The following BORCS5 variants were observed in gnomAD, a reference collection of about 807,000 sequenced individuals.
The protein encoded by BORCS5 is BLOC-1-related complex subunit 5.
Under a neutral mutation model 22.1 loss-of-function variants are expected in BORCS5, and 17 were observed. The observed-to-expected ratio is 0.77, with a 90% confidence interval of 0.53 to 1.15. The LOEUF is 1.15. BORCS5 is among the 50% of genes most tolerant of loss of function. The pLI is 0.00. For missense variants in BORCS5, 247 were observed against 253.2 expected (o/e 0.98, Z 0.17); for synonymous variants, 117 against 99.8 (o/e 1.17, Z -1.03).
chr12:12,429,848 T>C (rs1942377730), intron 2 of BORCS5, among the ~76,000 whole-genome samples: 1 of 152,190 alleles, frequency 6.6e-6, no homozygotes, highest in South Asian at 2.1e-4. Flanking sequence ...CCAATAGTCT[T>C]CTGAAGCACC....
intron 2 of BORCS5, among the ~76,000 whole-genome samples, chr12:12,393,546 G>T (rs1941252562): frequency 6.6e-6 from 1 of 151,590 alleles, no homozygotes; most frequent in African/African-American, 2.4e-5. Context: ...TTCAGATAGG[G>T]TCTCACTCTG....
intron 2 of BORCS5, among the ~76,000 whole-genome samples, chr12:12,376,371 CT>C (rs1464046294): frequency 6.6e-6 from 1 of 151,706 alleles, no homozygotes; most frequent in Non-Finnish European, 1.5e-5. Context: ...GTAGCTGGGA[CT>C]ACAGGCGCCC....
rs1941957452 is a variant in BORCS5, at chr12:12,416,437, T to C, written c.203-19191T>C. Among the ~76,000 whole-genome samples the C allele has an allele frequency of 3.3e-5, 5 of 152,046 alleles. No homozygotes were observed. In the South Asian group the frequency reaches 8.3e-4, roughly 25 times the overall value. On this transcript the variant is annotated intron_variant, in intron 2 of 3. Coordinates refer to ENST00000314565, the MANE Select transcript of BORCS5 (RefSeq NM_058169.6). ...ATTGCTGGTGTGAGATCTTTCTTTT[T>C]ATTTTTTATTTTATTTTATTTTTTA...
At chr12:12,435,414 C>T (rs3751260) in intron 2 of BORCS5, among the ~76,000 whole-genome samples, 9,365 of 152,130 alleles carry the variant, frequency 0.062, 875 homozygotes, top group East Asian at 0.48. Flanking sequence ...GCTGTGAATA[C>T]GAAAAATCGT....
chr12:12,461,407 A>G (rs746115467), intron 3 of BORCS5, among the ~76,000 whole-genome samples: 7 of 152,086 alleles, frequency 4.6e-5, no homozygotes, highest in Non-Finnish European at 1.0e-4. Context: ...CCTGGGCTCA[A>G]GTGGTCCTCC....
chr12:12,423,845 C>T lies in BORCS5; in HGVS notation c.203-11783C>T, dbSNP rs148831358. ...CTGGGACTACAGGCATCTGCCACCA[C>T]GCCTGGCTAATTTTTATATTTTTTT... On this transcript the variant is annotated intron_variant, in intron 2 of 3. Coordinates refer to ENST00000314565, the MANE Select transcript of BORCS5 (RefSeq NM_058169.6). Among the ~76,000 whole-genome samples, 42 of 152,166 alleles carry T rather than the reference C, an allele frequency of 2.8e-4. 1 individual carries two copies. In the East Asian group the frequency reaches 4.6e-3, roughly 17 times the overall value.
intron 2 of BORCS5, among the ~76,000 whole-genome samples, chr12:12,393,766 C>T (rs1941263346): frequency 6.6e-6 from 1 of 151,004 alleles, no homozygotes. Flanking sequence ...GTAGATCTGC[C>T]CGCCTTGGCC....
At chr12:12,363,878 A>G (rs563448949) in intron 2 of BORCS5, among the ~76,000 whole-genome samples, 1 of 151,988 alleles carries the variant, frequency 6.6e-6, no homozygotes, top group East Asian at 1.9e-4. Flanking sequence ...TTGGGCAACA[A>G]CAGTGAAACT....
intron 2 of BORCS5, among the ~76,000 whole-genome samples, chr12:12,435,423 G>A (rs192583911): frequency 5.9e-5 from 9 of 152,208 alleles, no homozygotes; most frequent in South Asian, 2.1e-4. Flanking sequence ...ACGAAAAATC[G>A]TGCACAAGAA....
chr12:12,463,813 G>A (rs1264850933), intron 3 of BORCS5, among the ~76,000 whole-genome samples: 2 of 152,188 alleles, frequency 1.3e-5, no homozygotes, highest in Middle Eastern at 3.2e-3. Context: ...GGTGTGAATC[G>A]GGGATGGATT....
intron 2 of BORCS5, among the ~76,000 whole-genome samples, chr12:12,411,494 A>G (rs1941730753): frequency 6.6e-6 from 1 of 152,130 alleles, no homozygotes; most frequent in South Asian, 2.1e-4. Context: ...TATAATATAC[A>G]TGTATATAAT....
At chr12:12,429,607 G>A (rs1484213539) in intron 2 of BORCS5, among the ~76,000 whole-genome samples, 2 of 152,090 alleles carry the variant, frequency 1.3e-5, no homozygotes, top group Non-Finnish European at 2.9e-5. Context: ...TTTTGAAGTT[G>A]GCTAGGCAAC....
chr12:12,465,677 C>A lies in BORCS5; in HGVS notation c.492C>A (p.Asp164Glu). The A allele has an allele frequency of 6.2e-7, 1 of 1,614,258 alleles. No individual in the cohort carries two copies. The highest frequency in any genetic ancestry group is 8.5e-7 in the Non-Finnish European group (1 of 1,180,046). ...TCCGCCGCATACAGATGGGCATCGA[C>A]CAGACTGTGCCCCTGCTGGACAGGC... ...AILRRIQMGI[D>E]QTVPLLDRLN... Residue 164 changes from aspartate (D) to glutamate (E), a missense_variant, in exon 4 of 4, where the codon GAC becomes GAA. By Grantham distance (45) the Asp-to-Glu change is conservative (BLOSUM62 2). Transcript: ENST00000314565.
chr12:12,382,535 T>C (rs886271238), intron 2 of BORCS5, among the ~76,000 whole-genome samples: 3 of 101,658 alleles, frequency 3.0e-5, no homozygotes, highest in Non-Finnish European at 5.2e-5. Flanking sequence ...GGTATATATC[T>C]TTTTTTTTTT....
At chr12:12,461,147 G>A (rs910607204) in intron 3 of BORCS5, among the ~76,000 whole-genome samples, 9 of 151,332 alleles carry the variant, frequency 5.9e-5, no homozygotes, top group Non-Finnish European at 1.0e-4. Flanking sequence ...TGAAGACAAA[G>A]GCTTTATTGC....
At chr12:12,369,099 T>G (rs1863466201) in intron 2 of BORCS5, among the ~76,000 whole-genome samples, 1 of 152,164 alleles carries the variant, frequency 6.6e-6, no homozygotes, top group Non-Finnish European at 1.5e-5. Flanking sequence ...GTTTCTACTT[T>G]GTGTGTTTTG....
At chr12:12,394,712 G>A (rs1051821566) in intron 2 of BORCS5, among the ~76,000 whole-genome samples, 6 of 151,854 alleles carry the variant, frequency 4.0e-5, no homozygotes, top group African/African-American at 1.2e-4. Flanking sequence ...CAAACCTCAT[G>A]GTTGACTTAA....
At chr12:12,416,151 C>T (rs529388689) in intron 2 of BORCS5, among the ~76,000 whole-genome samples, 1 of 151,990 alleles carries the variant, frequency 6.6e-6, no homozygotes, top group African/African-American at 2.4e-5. Context: ...ATTTTTATTC[C>T]CATAGAATCG....
At chr12:12,395,826 G>A (rs956637991) in intron 2 of BORCS5, among the ~76,000 whole-genome samples, 8 of 152,048 alleles carry the variant, frequency 5.3e-5, no homozygotes, top group African/African-American at 1.9e-4. Flanking sequence ...CCTGGGCTGG[G>A]GTGGGGATAG....
Sources: allele counts gnomAD v4.1 joint callset (sites outside exome capture counted in the v4.1 genomes callset), GRCh38; gene constraint gnomAD v4.1.1; transcripts MANE v1.5; gene names NCBI Gene and HGNC (gene_info 2026-07-23, HGNC 2026-07-21).